KSR2: variants seen among roughly 807,000 people sequenced by gnomAD.
KSR2 encodes the protein kinase suppressor of ras 2.
In KSR2, 25 loss-of-function variants were observed where a neutral mutation model predicts 107.8. The observed-to-expected ratio is 0.23, with a 90% confidence interval of 0.17 to 0.32. The LOEUF is 0.32. KSR2 is among the 10% of genes least tolerant of loss of function. KSR2 has a pLI of 1.00. For synonymous variants in KSR2, 480 were observed against 507.0 expected, an observed-to-expected ratio of 0.95 and a Z score of 0.71; for missense variants, 887 against 1,268.9, an observed-to-expected ratio of 0.70 and a Z score of 4.57.
chr12:117,580,123 T>A (rs1565910370), intron 6 of KSR2, among the ~76,000 whole-genome samples: 1 of 152,118 alleles, frequency 6.6e-6, no homozygotes, highest in East Asian at 1.9e-4. Context: ...TAACTTGGAG[T>A]CTGAGAATTT....
At chr12:117,605,943 G>A (rs924226727) in intron 5 of KSR2, among the ~76,000 whole-genome samples, 3 of 152,120 alleles carry the variant, frequency 2.0e-5, no homozygotes, top group African/African-American at 7.2e-5. Flanking sequence ...TTATGCCTCA[G>A]TTAGATTCCA....
At chr12:117,762,894 T>TGTA (rs1425248013) in intron 3 of KSR2, among the ~76,000 whole-genome samples, 2 of 152,022 alleles carry the variant, frequency 1.3e-5, no homozygotes, top group African/African-American at 4.8e-5. Context: ...TTTTTTTTAT[T>TGTA]TTATTATTAT....
chr12:117,531,644 T>C, intron 11 of KSR2, 22 bp downstream of exon 11: 1 of 1,601,914 alleles, frequency 6.2e-7, no homozygotes, highest in Non-Finnish European at 8.5e-7. Flanking sequence ...AAGGGGCTGC[T>C]TCCAGCTCAC....
chr12:117,664,542 G>C (rs1383060278), intron 5 of KSR2, among the ~76,000 whole-genome samples: 2 of 152,096 alleles, frequency 1.3e-5, no homozygotes, highest in African/African-American at 4.8e-5. Context: ...GTCGGCACCT[G>C]GTAGCTGTGT....
chr12:117,718,777 C>T (rs1344161529), intron 4 of KSR2, among the ~76,000 whole-genome samples: 1 of 152,200 alleles, frequency 6.6e-6, no homozygotes, highest in Non-Finnish European at 1.5e-5. Context: ...CGGCATAGGG[C>T]TTGAATACAC....
intron 5 of KSR2, among the ~76,000 whole-genome samples, chr12:117,640,829 G>A (rs984085259): frequency 2.0e-5 from 3 of 152,082 alleles, no homozygotes; most frequent in Middle Eastern, 3.2e-3. Flanking sequence ...GTTATCACTC[G>A]AACACATTGA....
chr12:117,528,806 CCA>C (rs1875404921), intron 12 of KSR2, among the ~76,000 whole-genome samples: 1 of 152,178 alleles, frequency 6.6e-6, no homozygotes, highest in African/African-American at 2.4e-5. Flanking sequence ...ATTCCAGCAG[CCA>C]GGGCTATTCA....
chr12:117,639,416 G>A (rs900210714), intron 5 of KSR2, among the ~76,000 whole-genome samples: 10 of 151,008 alleles, frequency 6.6e-5, no homozygotes, highest in Admixed American at 2.0e-4. Context: ...TGCAAACTCC[G>A]TCTCCCAGGT....
chr12:117,571,601 T>C (rs952864016), intron 7 of KSR2, among the ~76,000 whole-genome samples: 1 of 152,110 alleles, frequency 6.6e-6, no homozygotes, highest in Admixed American at 6.5e-5. Context: ...GAACACAAGA[T>C]GGAAGTGGGT....
In KSR2 at chr12:117,708,226, T is replaced by A. The variant is rs11068636; in HGVS notation, c.987-40568A>T. On this transcript the variant is annotated intron_variant, in intron 4 of 19. Transcript: ENST00000339824. ...CCATTGTGATTCTGCTTTTGGCTGT[T>A]AAGTCAGATAGTGATAACTGAAACT... Among the ~76,000 whole-genome samples the A allele has an allele frequency of 3.6e-3, 549 of 152,342 alleles. 8 individuals are homozygous for A. Among genetic ancestry groups the A allele is most frequent in the East Asian group, 0.034 (177 of 5,184 alleles).
chr12:117,508,223 G>A (rs1229528655), intron 14 of KSR2, among the ~76,000 whole-genome samples: 1 of 152,150 alleles, frequency 6.6e-6, no homozygotes, highest in Non-Finnish European at 1.5e-5. Context: ...CTTATTTGTT[G>A]TTGGCTCTAA....
intron 1 of KSR2, among the ~76,000 whole-genome samples, chr12:117,905,496 C>G (rs1411875189): frequency 6.6e-6 from 1 of 152,196 alleles, no homozygotes; most frequent in Admixed American, 6.5e-5. Context: ...GACACCTTCA[C>G]CTCTAGAACC....
chr12:117,631,297 C>T (rs1882794787), intron 5 of KSR2, among the ~76,000 whole-genome samples: 1 of 152,050 alleles, frequency 6.6e-6, no homozygotes, highest in Non-Finnish European at 1.5e-5. Context: ...TGAGATTCTG[C>T]CTCTAAATAA....
chr12:117,521,293 T>C (rs1874742905), intron 14 of KSR2, among the ~76,000 whole-genome samples: 1 of 152,216 alleles, frequency 6.6e-6, no homozygotes, highest in African/African-American at 2.4e-5. Flanking sequence ...AAGCAAAGAA[T>C]ACTGTCAGAG....
At chr12:117,527,484 C>G (rs1356559148) in intron 12 of KSR2, among the ~76,000 whole-genome samples, 1 of 152,150 alleles carries the variant, frequency 6.6e-6, no homozygotes, top group African/African-American at 2.4e-5. Context: ...GGCCTAAATG[C>G]CCTGGGTAGA....
chr12:117,670,534 C>T (rs4767597), intron 4 of KSR2, among the ~76,000 whole-genome samples: 13,438 of 152,164 alleles, frequency 0.088, 719 homozygotes, highest in East Asian at 0.17. Context: ...TCACCCACCC[C>T]GAGGCCACTA....
intron 10 of KSR2, among the ~76,000 whole-genome samples, chr12:117,534,022 C>T (rs1211354842): frequency 6.6e-6 from 1 of 151,994 alleles, no homozygotes; most frequent in Admixed American, 6.6e-5. Context: ...CAACTGGTGA[C>T]CTTGAGTGGG....
At chr12:117,511,971 T>C (rs1874051064) in intron 14 of KSR2, among the ~76,000 whole-genome samples, 1 of 152,192 alleles carries the variant, frequency 6.6e-6, no homozygotes, top group Admixed American at 6.5e-5. Context: ...ATCCCTCCGA[T>C]GACTCCGATA....
chr12:117,826,018 CATGGAGGGATGG>C (rs1405855584), intron 3 of KSR2, among the ~76,000 whole-genome samples: 1 of 120,282 alleles, frequency 8.3e-6, no homozygotes, highest in African/African-American at 4.0e-5. Flanking sequence ...TGGATGGATG[CATGGAGGGATGG>C]ATGGATGGAT....
Sources: gnomAD v4.1 joint callset for allele counts (sites outside exome capture counted in the v4.1 genomes callset) on GRCh38, gnomAD v4.1.1 for gene constraint, MANE v1.5 for transcripts, NCBI Gene and HGNC (gene_info 2026-07-23, HGNC 2026-07-21) for gene names.